The following COL4A6 variants were observed in gnomAD, a reference collection of about 807,000 sequenced individuals.
COL4A6 encodes collagen type IV alpha 6 chain.
COL4A6 carries 59 observed loss-of-function variants against 126.7 expected under a neutral mutation model. The ratio of observed to expected loss-of-function variants is 0.47; its 90% CI spans 0.38 to 0.58. COL4A6 has a LOEUF of 0.58. Among genes scored for constraint, COL4A6 ranks in the 20% least tolerant of loss-of-function variants. The probability of loss-of-function intolerance (pLI) is 0.00; values close to 1 mark genes in which losing one functional copy is unlikely to be tolerated. For synonymous variants in COL4A6, 547 were observed against 496.6 expected (o/e 1.10, Z -1.35); for missense variants, 1,285 against 1,337.3 (o/e 0.96, Z 0.61).
rs1039417554 is a variant in COL4A6 at position 108,302,399 on chromosome X, C to A, written c.144+8349G>T. Among the ~76,000 whole-genome samples, 3 of 111,237 alleles carry A rather than the reference C, an allele frequency of 2.7e-5. No individual in the cohort carries two copies. In the East Asian group the frequency reaches 8.4e-4, roughly 31 times the overall value. ...TTTCATATAGTCTTCATTATTCTTG[C>A]AATATGTTTTTGCTGACTTCTTGTC... is the stretch of plus-strand genomic sequence containing the variant. On this transcript the variant is annotated intron_variant, in intron 3 of 44. Coordinates refer to ENST00000334504, the MANE Select transcript of COL4A6 (RefSeq NM_033641.4).
At chrX:108,379,435 C>CTTTT (rs1163909665) in intron 2 of COL4A6, among the ~76,000 whole-genome samples, 136 of 76,962 alleles carry the variant, frequency 1.8e-3, no homozygotes, top group African/African-American at 2.3e-3. Flanking sequence ...AATTAAAAAA[C>CTTTT]TTTTTTTTTT....
intron 3 of COL4A6, among the ~76,000 whole-genome samples, chrX:108,307,739 C>A (rs2038661353): frequency 9.0e-6 from 1 of 111,540 alleles, no homozygotes; most frequent in Non-Finnish European, 1.9e-5. Context: ...GAGAACAGTC[C>A]CAAATCTTTC....
chrX:108,389,984 A>G (rs1016863055), intron 2 of COL4A6, among the ~76,000 whole-genome samples: 1 of 111,621 alleles, frequency 9.0e-6, no homozygotes, highest in Non-Finnish European at 1.9e-5. Flanking sequence ...TCCTTCACTT[A>G]TGAAGCTTAG....
chrX:108,171,423 C>T lies in COL4A6; in HGVS notation c.3241G>A (p.Gly1081Arg), dbSNP rs1340394090. The change falls in exon 33 of 45, where the codon GGA becomes AGA. Residue 1081 changes from glycine to arginine, a missense_variant. By Grantham distance (125) the Gly-to-Arg change is moderately radical (BLOSUM62 -2). Coordinates refer to ENST00000334504, the MANE Select transcript of COL4A6 (RefSeq NM_033641.4). ...GATTCGCCAGGCTGTCCCTTGGGTC[C>T]TGGGCTACCGGAAATTTCAACTGTC... ...GQTVEISGSP[G>R]PKGQPGESGF... 8.3e-7 allele frequency: 1 copy of T among 1,209,448 alleles called. No individual in the cohort carries two copies. The highest frequency in any genetic ancestry group is 1.8e-5 in the African/African-American group (1 of 57,125).
chrX:108,324,681 C>T (rs2039110303), intron 2 of COL4A6, among the ~76,000 whole-genome samples: 1 of 112,097 alleles, frequency 8.9e-6, no homozygotes, highest in Admixed American at 9.4e-5. Flanking sequence ...GTGATTCAAA[C>T]AACAAATTCT....
In COL4A6 at chrX:108,329,363, A is replaced by G. The variant is rs528132451; in HGVS notation, c.64-18535T>C. On this transcript the variant is annotated intron_variant, in intron 2 of 44. Transcript: ENST00000334504. ...ATGTACAATTATGAGTCAATTTAAAAACAAAATAAAACTTAAAAAATACAA... is the reference window on the plus strand; with the variant it reads ...ATGTACAATTATGAGTCAATTTAAAGACAAAATAAAACTTAAAAAATACAA... 7.1e-4 allele frequency among the ~76,000 whole-genome samples: 79 copies of G among 111,700 alleles called. 2 individuals carry two copies. The South Asian group carries it at 0.028, about 40-fold the overall frequency.
At position 108,159,457 on chromosome X, in the gene COL4A6, C is replaced by T; in HGVS notation, c.4812+5G>A. On this transcript the variant is annotated splice_donor_5th_base_variant and intron_variant, in intron 44 of 44. Transcript: ENST00000334504. ...ACTGGGGGAGGAGACAGTGCAGGAC[C>T]TTACCATGAGGAAAGAGTACCCAAT... The T allele has an allele frequency of 8.3e-7, 1 of 1,211,922 alleles. No homozygotes were observed. Among genetic ancestry groups the T allele is most frequent in the Non-Finnish European group, 1.1e-6 (1 of 895,501 alleles).
Position 108,284,482 on chromosome X carries a change from T to A in COL4A6, c.144+26266A>T, listed in dbSNP as rs1303734609. 2.7e-5 allele frequency among the ~76,000 whole-genome samples: 3 copies of A among 111,783 alleles called. No individual in the cohort carries two copies. The Admixed American group carries it at 2.9e-4, about 11-fold the overall frequency. On this transcript the variant is annotated intron_variant, in intron 3 of 44. Coordinates refer to ENST00000334504, the MANE Select transcript of COL4A6 (RefSeq NM_033641.4). ...AATGAAAAAGAAAAAGAAAAAGACA[T>A]GATCCAATATAGTAAAGCATGAATA... is the stretch of plus-strand genomic sequence containing the variant.
At chrX:108,431,621 C>T (rs961969550) in intron 2 of COL4A6, among the ~76,000 whole-genome samples, 5 of 111,204 alleles carry the variant, frequency 4.5e-5, no homozygotes, top group Admixed American at 9.6e-5. Flanking sequence ...GGTGGACTTG[C>T]GGACTTAATT....
intron 3 of COL4A6, among the ~76,000 whole-genome samples, chrX:108,301,624 A>C (rs957446886): frequency 1.1e-4 from 12 of 111,694 alleles, no homozygotes; most frequent in Non-Finnish European, 2.1e-4. Flanking sequence ...ATGGAGGGGA[A>C]TGGAACACTT....
At chrX:108,391,129 C>T (rs980662766) in intron 2 of COL4A6, among the ~76,000 whole-genome samples, 1 of 111,371 alleles carries the variant, frequency 9.0e-6, no homozygotes, top group Non-Finnish European at 1.9e-5. Context: ...AGCTGTCTGT[C>T]TGCCCCTACT....
intron 2 of COL4A6, among the ~76,000 whole-genome samples, chrX:108,359,748 G>A (rs148591433): frequency 8.6e-4 from 96 of 112,191 alleles, no homozygotes; most frequent in African/African-American, 2.9e-3. Flanking sequence ...CAAATATATG[G>A]TATTCATTTT....
intron 31 of COL4A6, 57 bp downstream of exon 31, chrX:108,174,383 T>A: frequency 8.8e-7 from 1 of 1,131,321 alleles, no homozygotes; most frequent in Middle Eastern, 2.4e-4. Context: ...TGGGGGTATA[T>A]CCCCGTGAGA....
chrX:108,255,033 G>A (rs746338108), intron 3 of COL4A6, among the ~76,000 whole-genome samples: 6 of 108,791 alleles, frequency 5.5e-5, no homozygotes, highest in Non-Finnish European at 7.6e-5. Flanking sequence ...CTCTGCCCAA[G>A]TTTTGTATAA....
intron 2 of COL4A6, among the ~76,000 whole-genome samples, chrX:108,437,547 T>C (rs2064290093): frequency 9.0e-6 from 1 of 111,471 alleles, no homozygotes; most frequent in South Asian, 3.8e-4. Context: ...CACTTTGAAG[T>C]TCCACTCCTT....
In COL4A6 at chrX:108,227,558, G is replaced by C. The variant is rs1286038535; in HGVS notation, c.145-6184C>G. Among the ~76,000 whole-genome samples, 24 of 110,326 alleles carry C rather than the reference G, an allele frequency of 2.2e-4. No individual in the cohort carries two copies. The Admixed American group carries it at 2.2e-3, about 10-fold the overall frequency. The stretch of plus-strand genomic sequence containing the variant: ...ACAACTGGAAGCCTGGGGCAGGGTG[G>C]GGGGGCTTTCAAGTCATAGGTGGAA... On this transcript the variant is annotated intron_variant, in intron 3 of 44. Coordinates refer to ENST00000334504, the MANE Select transcript of COL4A6 (RefSeq NM_033641.4).
intron 2 of COL4A6, among the ~76,000 whole-genome samples, chrX:108,390,574 CT>C (rs2040813562): frequency 9.2e-6 from 1 of 109,198 alleles, no homozygotes; most frequent in African/African-American, 3.3e-5. Flanking sequence ...TGTTTTTCAG[CT>C]CCATTGGGTC....
At chrX:108,406,602 C>A (rs1430513828) in intron 2 of COL4A6, among the ~76,000 whole-genome samples, 1 of 111,908 alleles carries the variant, frequency 8.9e-6, no homozygotes, top group Non-Finnish European at 1.9e-5. Context: ...CTGGTTCTTG[C>A]CCTGTTTACT....
rs1053253958 is a variant in COL4A6 at position 108,252,470 on chromosome X, T to C, written c.145-31096A>G. On this transcript the variant is annotated intron_variant, in intron 3 of 44. Transcript: ENST00000334504. The stretch of plus-strand genomic sequence containing the variant: ...GAAGTACAGATATATCTCTTCAACA[T>C]ACTGATTTCATTTCCCTTACATATA... 4.5e-5 allele frequency among the ~76,000 whole-genome samples: 5 copies of C among 111,812 alleles called. No homozygotes were observed. The Admixed American group carries it at 4.7e-4, about 11-fold the overall frequency.
Sources: gnomAD v4.1 joint callset for allele counts (sites outside exome capture counted in the v4.1 genomes callset) on GRCh38, gnomAD v4.1.1 for gene constraint, MANE v1.5 for transcripts, NCBI Gene and HGNC (gene_info 2026-07-23, HGNC 2026-07-21) for gene names.